TPPP: variants seen among roughly 807,000 people sequenced by gnomAD.
TPPP encodes tubulin polymerization-promoting protein.
In TPPP, 6 loss-of-function variants were observed where a neutral mutation model predicts 15.5. That is an observed-to-expected ratio of 0.39 (90% confidence interval 0.21 to 0.77). The LOEUF is 0.77. Ranked by LOEUF, TPPP falls within the 30% of genes least tolerant of loss-of-function variation. The pLI, the probability that TPPP is intolerant of heterozygous loss-of-function variation, is 0.42. For synonymous variants in TPPP, 146 were observed against 133.9 expected, an observed-to-expected ratio of 1.09 and a Z score of -0.63; for missense variants, 269 against 307.2, an observed-to-expected ratio of 0.88 and a Z score of 0.93.
the TPPP span, among the ~76,000 whole-genome samples, chr5:700,421 C>T: frequency 3.3e-5 from 5 of 151,928 alleles, no homozygotes; most frequent in Non-Finnish European, 7.4e-5. Flanking sequence ...AATAAGATGA[C>T]ACTGGACACT....
intron 1 of TPPP, among the ~76,000 whole-genome samples, chr5:687,124 G>C (rs1426019828): frequency 7.6e-6 from 1 of 132,084 alleles, no homozygotes; most frequent in African/African-American, 2.7e-5. Flanking sequence ...AGGACAACTG[G>C]AGCCACCAGA....
At chr5:678,697 A>T (rs1561089756) in intron 1 of TPPP, among the ~76,000 whole-genome samples, 1 of 151,594 alleles carries the variant, frequency 6.6e-6, no homozygotes. Context: ...GGCCCCGGCC[A>T]GGGGAGGGGA....
intron 2 of TPPP, among the ~76,000 whole-genome samples, chr5:669,258 T>G (rs995024259): frequency 6.9e-6 from 1 of 145,648 alleles, no homozygotes; most frequent in African/African-American, 2.6e-5. Flanking sequence ...TCCAGCAGCA[T>G]CCCCCAGGGG....
At position 662,001 on chromosome 5, in the gene TPPP, C is replaced by A. The variant is rs1156996992; in HGVS notation, c.*3101G>T. 6.6e-6 allele frequency: 1 copy of A among 152,488 alleles called. No homozygotes were observed. The highest frequency in any genetic ancestry group is 1.5e-5 in the Non-Finnish European group (1 of 68,128). 9.4% of individuals were successfully genotyped at this position (152,488 alleles called of 1,614,324 possible). A position where few individuals can be genotyped will look rare whatever the true frequency, so the allele number is the denominator to read the frequency against. ...CCTCTCCCTCCAGGATCCCAGGGTG[C>A]TCCAGGCCAGGACGGGCAGGGTGCC... On this transcript the variant is annotated 3_prime_UTR_variant, in exon 4 of 4. Coordinates refer to ENST00000360578, the MANE Select transcript of TPPP (RefSeq NM_007030.3).
At chr5:670,948 C>G (rs185589790) in intron 2 of TPPP, among the ~76,000 whole-genome samples, 12 of 152,330 alleles carry the variant, frequency 7.9e-5, no homozygotes, top group Admixed American at 1.3e-4. Context: ...CTTCCTGCAC[C>G]CTACTTGGCT....
chr5:675,622 C>T (rs565302801), intron 2 of TPPP, among the ~76,000 whole-genome samples: 2 of 151,874 alleles, frequency 1.3e-5, no homozygotes, highest in South Asian at 2.1e-4. Context: ...GCCGGGAGTG[C>T]AGTGCCAGAG....
In TPPP at chr5:664,392, G is replaced by A. The variant is rs1739809201; in HGVS notation, c.*710C>T. The A allele has an allele frequency of 6.6e-6, 1 of 152,514 alleles. No individual in the cohort carries two copies. The highest frequency in any genetic ancestry group is 1.5e-5 in the Non-Finnish European group (1 of 68,256). 9.4% of individuals were successfully genotyped at this position (152,514 alleles called of 1,614,324 possible). On this transcript the variant is annotated 3_prime_UTR_variant, in exon 4 of 4. Coordinates refer to ENST00000360578, the MANE Select transcript of TPPP (RefSeq NM_007030.3). ...AAAGCGAGCCTACTCTACCCTCACA[G>A]TCCAAGCCACTGTGGTCAGCCGGGA...
intron 2 of TPPP, among the ~76,000 whole-genome samples, chr5:676,981 G>GTGCAC (rs142787404): frequency 9.0e-6 from 1 of 111,410 alleles, no homozygotes; most frequent in Non-Finnish European, 2.2e-5. Context: ...ACGCACACAC[G>GTGCAC]ACGCAGAAAC....
rs1739539852 is a variant in TPPP at position 660,410 on chromosome 5, G to A, written c.*4692C>T. ...CAGGACTCCCCATCACATGCCCAGG[G>A]ACAAACGCTGCACCCTGGACCACCA... On this transcript the variant is annotated 3_prime_UTR_variant, in exon 4 of 4. Transcript: ENST00000360578. The A allele has an allele frequency of 6.6e-6, 1 of 152,282 alleles. No homozygotes were observed. Among genetic ancestry groups the A allele is most frequent in the South Asian group, 2.1e-4 (1 of 4,826 alleles). 9.4% of individuals were successfully genotyped at this position (152,282 alleles called of 1,614,324 possible). A position where few individuals can be genotyped will look rare whatever the true frequency, so the allele number is the denominator to read the frequency against.
At position 668,752 on chromosome 5, in the gene TPPP, CG is replaced by C. The variant is rs1404009792; in HGVS notation, c.312-2630del. On this transcript the variant is annotated intron_variant, in intron 2 of 3. Transcript: ENST00000360578. Reference sequence around the variant, plus strand: ...CGCAAATGTTTACCACTGTTCTGCTCGTAGTCACCAAACCCCAAACAATCCA... The same window carrying C: ...CGCAAATGTTTACCACTGTTCTGCTCTAGTCACCAAACCCCAAACAATCCA... 2.0e-5 allele frequency among the ~76,000 whole-genome samples: 3 copies of C among 152,232 alleles called. No individual in the cohort carries two copies. In the East Asian group the frequency reaches 5.8e-4, roughly 29 times the overall value.
intron 1 of TPPP, among the ~76,000 whole-genome samples, chr5:682,230 G>A (rs1213960496): frequency 3.4e-5 from 5 of 145,882 alleles, no homozygotes; most frequent in Non-Finnish European, 4.5e-5. Context: ...AGCGGGGCCA[G>A]GCACTAGGAC....
At chr5:671,479 C>T (rs1367056312) in intron 2 of TPPP, among the ~76,000 whole-genome samples, 1 of 152,222 alleles carries the variant, frequency 6.6e-6, no homozygotes, top group Admixed American at 6.5e-5. Flanking sequence ...GTTTGGAGAT[C>T]ACCTTCTCAA....
At chr5:670,292 G>A (rs1247632296) in intron 2 of TPPP, among the ~76,000 whole-genome samples, 2 of 152,182 alleles carry the variant, frequency 1.3e-5, no homozygotes, top group African/African-American at 4.8e-5. Context: ...TGAGGGGCGG[G>A]GGCCGGCGGG....
At chr5:677,428 C>T (rs889891353) in intron 2 of TPPP, among the ~76,000 whole-genome samples, 3 of 152,232 alleles carry the variant, frequency 2.0e-5, no homozygotes, top group Admixed American at 6.5e-5. Context: ...AGCATTCACC[C>T]CGAGTCTGCT....
rs532815498 is a variant in TPPP, at chr5:662,975, T to C, written c.*2127A>G. 1.4e-4 allele frequency: 21 copies of C among 150,658 alleles called. No homozygotes were observed. The highest frequency in any genetic ancestry group is 9.5e-4 in the East Asian group (5 of 5,280). The allele number at this position is 150,658 out of a possible 1,614,324, so 9.3% of individuals were successfully genotyped here. A position where few individuals can be genotyped will look rare whatever the true frequency, so the allele number is the denominator to read the frequency against. On this transcript the variant is annotated 3_prime_UTR_variant, in exon 4 of 4. Transcript: ENST00000360578. ...GACTGCTCGTCTGTGATCGGGTGAT[T>C]CCGATGACTGCTCGTCTGTGATCGG... is the stretch of plus-strand genomic sequence containing the variant.
At position 688,411 on chromosome 5, in the gene TPPP, G is replaced by A. The variant is rs1250388311; in HGVS notation, c.-5+4867C>T. On this transcript the variant is annotated intron_variant, in intron 1 of 3. Coordinates refer to ENST00000360578, the MANE Select transcript of TPPP (RefSeq NM_007030.3). ...CCACTCGCGCACAGTATTGATCCAC[G>A]TTAGCCAGCACAGCAGTGTGCCCAC... Among the ~76,000 whole-genome samples the A allele has an allele frequency of 2.2e-4, 32 of 148,498 alleles. 1 individual carries two copies. The South Asian group carries it at 2.2e-3, about 10-fold the overall frequency.
chr5:700,669 T>C, the TPPP span, among the ~76,000 whole-genome samples: 150 of 150,132 alleles, frequency 1.0e-3, 1 homozygote, highest in South Asian at 1.7e-3. Flanking sequence ...AAGGTTTACC[T>C]AGGTGTGGAT....
chr5:684,769 C>G, intron 1 of TPPP, among the ~76,000 whole-genome samples: 1 of 152,292 alleles, frequency 6.6e-6, no homozygotes, highest in East Asian at 1.9e-4. Context: ...TATCATCGCA[C>G]GGCACTCCTG....
chr5:666,188 G>A, intron 2 of TPPP, 65 bp from the exon 3 acceptor site: 1 of 1,569,488 alleles, frequency 6.4e-7, no homozygotes, highest in Non-Finnish European at 8.6e-7. Context: ...CCCCACGCGT[G>A]GGTCTGAGCA....
Sources: gnomAD v4.1 joint callset for allele counts (sites outside exome capture counted in the v4.1 genomes callset) on GRCh38, gnomAD v4.1.1 for gene constraint, MANE v1.5 for transcripts, NCBI Gene and HGNC (gene_info 2026-07-23, HGNC 2026-07-21) for gene names.